Variants in HELZ observed in about 807,000 individuals in gnomAD.
The protein encoded by HELZ is ATP-dependent RNA helicase with zinc finger domain.
In HELZ, 23 loss-of-function variants were observed where a neutral mutation model predicts 218.2. The observed-to-expected ratio is 0.11, with a 90% CI of 0.08 to 0.15. The LOEUF (loss-of-function observed/expected upper bound fraction) is 0.15, where lower values mean the gene tolerates loss of function less well. HELZ is among the 10% of genes least tolerant of loss of function. The probability of loss-of-function intolerance (pLI) is 1.00; values close to 1 mark genes in which losing one functional copy is unlikely to be tolerated. For synonymous variants in HELZ, 814 were observed against 829.4 expected (o/e 0.98, Z 0.32); for missense variants, 1,813 against 2,353.7 (o/e 0.77, Z 4.75).
chr17:67,083,526 G>A (rs1367963364), intron 32 of HELZ, among the ~76,000 whole-genome samples: 1 of 152,136 alleles, frequency 6.6e-6, no homozygotes, highest in Non-Finnish European at 1.5e-5. Flanking sequence ...TACTCAGGAG[G>A]CTGAGGCAGG....
In HELZ at chr17:67,161,063, G is replaced by C; in HGVS notation, c.1909C>G (p.Gln637Glu). ...PWSPNRQWDE[Q>E]LDPRLNAKQK... ...TTTGCATTTAGTCGAGGATCCAACT[G>C]TTCATCCCATTGTCTATGGAAAATA... The change falls in exon 16 of 33, where the codon CAG (glutamine) becomes GAG (glutamate). Residue 637 changes from glutamine (Q) to glutamate (E), a missense_variant. Around this residue, in one of 4 missense-constraint regions of HELZ, gnomAD observed 714 missense variants for 1,029.2 expected, o/e 0.69. Coordinates refer to ENST00000358691, the MANE Select transcript of HELZ (RefSeq NM_014877.4). 1.9e-6 allele frequency: 3 copies of C among 1,607,828 alleles called. No individual in the cohort carries two copies. Among genetic ancestry groups the C allele is most frequent in the African/African-American group, 1.3e-5 (1 of 74,652 alleles).
In HELZ at chr17:67,218,673, G is replaced by C. The variant is rs770033046; in HGVS notation, c.132C>G (p.Phe44Leu). 4 of 1,614,202 alleles carry C rather than the reference G, an allele frequency of 2.5e-6. No homozygotes were observed. The highest frequency in any genetic ancestry group is 3.4e-6 in the Non-Finnish European group (4 of 1,180,042). ...CTATTTCCAATGGACAAGGCCCTGT[G>C]AAGTCTGCCATGGAGTACTGGCCAA... is the stretch of plus-strand genomic sequence containing the variant. ...LSLGQYSMAD[F>L]TGPCPLEIER... The change falls in exon 4 of 33, where the codon TTC becomes TTG. Residue 44 changes from phenylalanine (F) to leucine (L), a missense_variant. Phe to Leu is a conservative substitution (Grantham distance 22). Coordinates refer to ENST00000358691, the MANE Select transcript of HELZ (RefSeq NM_014877.4).
chr17:67,175,410 G>GA (rs1291408569), intron 13 of HELZ, among the ~76,000 whole-genome samples: 1 of 152,046 alleles, frequency 6.6e-6, no homozygotes, highest in Admixed American at 6.5e-5. Context: ...TATTTATAAA[G>GA]AATTAACAAT....
chr17:67,121,204 T>C (rs2037599044), intron 26 of HELZ, among the ~76,000 whole-genome samples: 1 of 152,248 alleles, frequency 6.6e-6, no homozygotes, highest in Non-Finnish European at 1.5e-5. Context: ...TAAGTGTGTC[T>C]AGATATATAA....
intron 13 of HELZ, among the ~76,000 whole-genome samples, chr17:67,176,960 A>T (rs572094946): frequency 1.0e-4 from 15 of 150,492 alleles, no homozygotes. Flanking sequence ...CATAGAGTGC[A>T]CTTTCAACTA....
intron 15 of HELZ, among the ~76,000 whole-genome samples, chr17:67,165,976 AT>A (rs929839578): frequency 6.6e-6 from 1 of 152,062 alleles, no homozygotes; most frequent in Non-Finnish European, 1.5e-5. Flanking sequence ...ACAAAAAAAA[AT>A]TTTTTTTAAT....
chr17:67,094,351 G>GAGAT (rs796541243), intron 31 of HELZ, among the ~76,000 whole-genome samples: 9 of 150,176 alleles, frequency 6.0e-5, no homozygotes, highest in African/African-American at 2.0e-4. Context: ...GAGAGAGAGA[G>GAGAT]AGATACAGGC....
chr17:67,153,161 C>T (rs754191372), intron 17 of HELZ, among the ~76,000 whole-genome samples: 1 of 151,998 alleles, frequency 6.6e-6, no homozygotes, highest in South Asian at 2.1e-4. Flanking sequence ...AAGGCTGATG[C>T]AGGTCGGGTG....
At chr17:67,207,378 C>T (rs926482645) in intron 5 of HELZ, among the ~76,000 whole-genome samples, 4 of 151,760 alleles carry the variant, frequency 2.6e-5, no homozygotes, top group Admixed American at 6.6e-5. Context: ...TGCTACCACA[C>T]CTGGCTGATT....
rs1296319564 is a variant in HELZ, at chr17:67,245,056, G to C, written c.-132+92C>G. On this transcript the variant is annotated intron_variant, in intron 1 of 32. Transcript: ENST00000358691. ...CGGGGCCGCCGCGCCCGGGGTCCGG[G>C]ACACCGGAGGGGAGTCGGGTCCCCT... is the stretch of plus-strand genomic sequence containing the variant. The C allele has an allele frequency of 4.1e-6, 4 of 984,622 alleles. No homozygotes were observed. The African/African-American group carries it at 5.3e-5, about 13-fold the overall frequency. 61.0% of individuals were successfully genotyped at this position (984,622 alleles called of 1,614,324 possible). A position where few individuals can be genotyped will look rare whatever the true frequency, so the allele number is the denominator to read the frequency against.
intron 22 of HELZ, among the ~76,000 whole-genome samples, chr17:67,137,524 CAATT>C (rs2038190681): frequency 6.6e-6 from 1 of 152,094 alleles, no homozygotes; most frequent in South Asian, 2.1e-4. Flanking sequence ...GATTTTATAG[CAATT>C]AATTAAATGA....
intron 2 of HELZ, among the ~76,000 whole-genome samples, chr17:67,242,150 T>C (rs1417518554): frequency 6.6e-6 from 1 of 152,194 alleles, no homozygotes; most frequent in Non-Finnish European, 1.5e-5. Flanking sequence ...GCATGGTGGC[T>C]CACGCTTGTA....
In HELZ at chr17:67,107,204, T is replaced by C. The variant is rs981593720; in HGVS notation, c.5206A>G (p.Thr1736Ala). ...QEPFHPLSSR[T>A]VSSSSLPSLE... ...CTAGGGAGCGAAGAAGAAGATACTG[T>C]TCGAGATGACAATGGGTGAAATGGC... is the stretch of plus-strand genomic sequence containing the variant. Residue 1736 changes from threonine to alanine, a missense_variant, in exon 31 of 33, where the codon ACA becomes GCA. Thr to Ala is a moderately conservative substitution (Grantham distance 58). Transcript: ENST00000358691. 8.1e-6 allele frequency: 13 copies of C among 1,614,204 alleles called. No homozygotes were observed. In the South Asian group the frequency reaches 1.3e-4, roughly 16 times the overall value.
intron 13 of HELZ, among the ~76,000 whole-genome samples, chr17:67,168,782 GATTA>G (rs2039224824): frequency 6.6e-6 from 1 of 152,122 alleles, no homozygotes; most frequent in South Asian, 2.1e-4. Context: ...AGAGAATCAA[GATTA>G]ATTTACACAG....
intron 17 of HELZ, among the ~76,000 whole-genome samples, chr17:67,154,851 C>T (rs143236498): frequency 2.9e-4 from 44 of 152,268 alleles, no homozygotes; most frequent in African/African-American, 9.6e-4. Flanking sequence ...AAGGCAAGCA[C>T]TGGCTCACAT....
chr17:67,221,152 C>A (rs984251394), intron 3 of HELZ, among the ~76,000 whole-genome samples: 3 of 152,130 alleles, frequency 2.0e-5, no homozygotes, highest in Non-Finnish European at 4.4e-5. Context: ...AAAATATCAA[C>A]ACTATTAACA....
chr17:67,137,301 G>C (rs2038184430), intron 22 of HELZ, among the ~76,000 whole-genome samples: 1 of 152,090 alleles, frequency 6.6e-6, no homozygotes, highest in African/African-American at 2.4e-5. Flanking sequence ...TCTCCTCTGG[G>C]TGCTTTCTAA....
At chr17:67,156,434 C>T (rs540166948) in intron 17 of HELZ, among the ~76,000 whole-genome samples, 2 of 152,232 alleles carry the variant, frequency 1.3e-5, no homozygotes, top group Admixed American at 6.5e-5. Context: ...AAGTATTATC[C>T]AGATTGTTCT....
intron 12 of HELZ, chr17:67,179,616 A>G (rs2039551982): frequency 6.6e-6 from 1 of 152,232 alleles, no homozygotes; most frequent in African/African-American, 2.4e-5. Flanking sequence ...AAAGTAGCAC[A>G]ATACCAGCAC....
Sources: gnomAD v4.1 joint callset for allele counts (sites outside exome capture counted in the v4.1 genomes callset) on GRCh38, gnomAD v4.1.1 for gene constraint, gnomAD v4.1.1 regional missense constraint, MANE v1.5 for transcripts, NCBI Gene and HGNC (gene_info 2026-07-23, HGNC 2026-07-21) for gene names.